Variants in HYDIN observed in about 807,000 individuals in gnomAD.
HYDIN encodes the protein axonemal central pair apparatus protein HYDIN.
HYDIN carries 132 observed loss-of-function variants against 403.9 expected under a neutral mutation model. The observed-to-expected ratio is 0.33, with a 90% confidence interval of 0.28 to 0.38. The LOEUF is 0.38. HYDIN is among the 10% of genes least tolerant of loss of function. The pLI is 1.00. For missense variants in HYDIN, 2,827 were observed against 5,009.5 expected, an observed-to-expected ratio of 0.56 and a Z score of 13.15; for synonymous variants, 1,202 against 1,891.7, an observed-to-expected ratio of 0.64 and a Z score of 9.46.
intron 75 of HYDIN, among the ~76,000 whole-genome samples, chr16:70,844,518 G>A (rs1171657280): frequency 2.1e-5 from 3 of 141,336 alleles, no homozygotes; most frequent in Non-Finnish European, 4.6e-5. Context: ...GATTGCCTTG[G>A]CGATGCGGGC....
rs2035971438 is a variant in HYDIN at position 70,818,215 on chromosome 16, TCTGCCTTCCTGACC to T, written c.14658+113_14658+126del. 5.0e-6 allele frequency: 3 copies of T among 605,872 alleles called. No individual in the cohort carries two copies. In the Admixed American group the frequency reaches 8.7e-5, roughly 18 times the overall value. 37.5% of individuals were successfully genotyped at this position (605,872 alleles called of 1,614,324 possible). ...GAACATGAGGGTGATTGTCCCGTCC[TCTGCCTTCCTGACC>T]ACTGTCAGGGCTGGCCCACCCTCTG... On this transcript the variant is annotated intron_variant, in intron 84 of 85. Coordinates refer to ENST00000393567, the MANE Select transcript of HYDIN (RefSeq NM_001270974.2).
chr16:70,846,109 T>C (rs2038185017), intron 75 of HYDIN, among the ~76,000 whole-genome samples: 1 of 149,068 alleles, frequency 6.7e-6, no homozygotes, highest in Non-Finnish European at 1.5e-5. Flanking sequence ...GCTCTTGCTT[T>C]TCTAGTTCTT....
intron 3 of HYDIN, among the ~76,000 whole-genome samples, chr16:71,179,833 A>G (rs1405592619): frequency 1.3e-5 from 2 of 152,238 alleles, no homozygotes; most frequent in Non-Finnish European, 2.9e-5. Flanking sequence ...TAGCCTGTTT[A>G]GCATCCAGTA....
chr16:70,859,084 G>A (rs550010126), intron 71 of HYDIN, among the ~76,000 whole-genome samples: 26 of 151,574 alleles, frequency 1.7e-4, no homozygotes, highest in Middle Eastern at 3.4e-3. Flanking sequence ...GGCAGATCAC[G>A]AGGTCAGGAG....
At chr16:71,102,393 A>C (rs1006974782) in intron 10 of HYDIN, among the ~76,000 whole-genome samples, 3 of 152,052 alleles carry the variant, frequency 2.0e-5, no homozygotes, top group African/African-American at 7.2e-5. Flanking sequence ...TAACTAATAC[A>C]TTTTGTTGTG....
Position 70,941,681 on chromosome 16 carries a change from A to T in HYDIN, c.6808T>A (p.Tyr2270Asn), listed in dbSNP as rs2077678357. ...HIYILNMAQD[Y>N]AAMKAQEKAK... ...TTCTCCTGGGCCTTCATGGCTGCGT[A>T]ATCCTGGGCCATGTTGAGAATGTAT... is the stretch of plus-strand genomic sequence containing the variant. Residue 2270 changes from tyrosine (Y) to asparagine (N), a missense_variant, in exon 43 of 86, where the codon TAC (tyrosine) becomes AAC (asparagine). Tyr to Asn is a moderately radical substitution (Grantham distance 143). Transcript: ENST00000393567. 6.3e-7 allele frequency: 1 copy of T among 1,588,168 alleles called. No individual in the cohort carries two copies. The highest frequency in any genetic ancestry group is 8.6e-7 in the Non-Finnish European group (1 of 1,167,986).
chr16:70,925,779 C>A (rs1002527551), intron 45 of HYDIN, among the ~76,000 whole-genome samples: 1 of 152,032 alleles, frequency 6.6e-6, no homozygotes, highest in African/African-American at 2.4e-5. Flanking sequence ...AAACAAACAA[C>A]CCCATCAAAA....
intron 12 of HYDIN, among the ~76,000 whole-genome samples, chr16:71,085,787 T>C (rs2082915025): frequency 6.6e-6 from 1 of 152,250 alleles, no homozygotes; most frequent in Non-Finnish European, 1.5e-5. Context: ...TTTCTTTTGG[T>C]ACTGTTTGCA....
At chr16:70,938,280 G>A (rs531147893) in intron 44 of HYDIN, among the ~76,000 whole-genome samples, 14 of 152,346 alleles carry the variant, frequency 9.2e-5, no homozygotes, top group African/African-American at 3.1e-4. Context: ...TAAGCCACAC[G>A]CGGGGGTGCT....
At chr16:70,810,320 T>C (rs886549091) in intron 84 of HYDIN, among the ~76,000 whole-genome samples, 4 of 152,192 alleles carry the variant, frequency 2.6e-5, no homozygotes, top group Non-Finnish European at 5.9e-5. Flanking sequence ...GGGCTGAAGC[T>C]TAGGCAGCTC....
At chr16:71,071,247 A>G (rs200371138) in intron 13 of HYDIN, among the ~76,000 whole-genome samples, 3,911 of 147,172 alleles carry the variant, frequency 0.027, 439 homozygotes, top group Admixed American at 0.2. Flanking sequence ...AATAAAGCCA[A>G]TTATGACCTC....
At chr16:70,934,417 A>G (rs550391505) in intron 45 of HYDIN, among the ~76,000 whole-genome samples, 67 of 152,276 alleles carry the variant, frequency 4.4e-4, no homozygotes, top group Admixed American at 3.8e-3. Context: ...GCAGAGAGGA[A>G]AACAGGTGTG....
At position 71,067,337 on chromosome 16, in the gene HYDIN, G is replaced by A. The variant is rs144802912; in HGVS notation, c.2028C>T (p.Asp676=). Residue 676 remains aspartate (D), a synonymous_variant, in exon 15 of 86, where the codon GAC becomes GAT. Transcript: ENST00000393567. ...GCACCTCTTCTCCGATGCCCTCCAC[G>A]TCCACCACGAGTGCCAGCTCGTATT... ...VQKYELALVV[D]VEGIGEEVLA... The A allele has an allele frequency of 6.9e-4, 1,118 of 1,613,240 alleles. 9 individuals carry two copies. In the African/African-American group the frequency reaches 0.012, roughly 17 times the overall value.
chr16:71,105,266 A>G (rs2144420838), intron 10 of HYDIN, among the ~76,000 whole-genome samples: 1 of 152,132 alleles, frequency 6.6e-6, no homozygotes, highest in Non-Finnish European at 1.5e-5. Context: ...TGAGACCAGA[A>G]ATGTGCAGAG....
chr16:71,069,951 T>C (rs1296694803), intron 13 of HYDIN, among the ~76,000 whole-genome samples: 1 of 152,234 alleles, frequency 6.6e-6, no homozygotes, highest in Non-Finnish European at 1.5e-5. Flanking sequence ...AAAGCCTGCA[T>C]GGTTTTGCCC....
At chr16:71,060,133 T>G (rs111378006) in intron 18 of HYDIN, among the ~76,000 whole-genome samples, 7,049 of 151,596 alleles carry the variant, frequency 0.046, 254 homozygotes, top group Middle Eastern at 0.14. Flanking sequence ...GGGCTGGGGC[T>G]GGGCTTAGGT....
intron 1 of HYDIN, among the ~76,000 whole-genome samples, chr16:71,214,956 G>C (rs9940569): frequency 0.35 from 52,690 of 152,052 alleles, 9,586 homozygotes; most frequent in East Asian, 0.57. Flanking sequence ...ATAAGATAAT[G>C]GAGAGATCTG....
chr16:71,020,588 T>C (rs1343943223), intron 21 of HYDIN, among the ~76,000 whole-genome samples: 4 of 152,056 alleles, frequency 2.6e-5, no homozygotes, highest in African/African-American at 9.7e-5. Flanking sequence ...GCCAGTGGAT[T>C]ACTTGAGGTC....
At chr16:71,137,107 C>T (rs574102120) in intron 8 of HYDIN, 44 bp downstream of exon 8, 32 of 795,016 alleles carry the variant, frequency 4.0e-5, no homozygotes, top group African/African-American at 3.7e-4. Context: ...GTTTTACATT[C>T]CCCCCCTCCA....
Sources: allele counts gnomAD v4.1 joint callset (sites outside exome capture counted in the v4.1 genomes callset), GRCh38; gene constraint gnomAD v4.1.1; transcripts MANE v1.5; gene names NCBI Gene and HGNC (gene_info 2026-07-23, HGNC 2026-07-21).